RARB: variants seen among roughly 807,000 people sequenced by gnomAD.
RARB encodes retinoic acid receptor beta.
A neutral mutation model predicts 51.9 loss-of-function variants in RARB; 17 were observed. The ratio of observed to expected loss-of-function variants is 0.33; its 90% confidence interval spans 0.22 to 0.49. The LOEUF is 0.49. Among genes scored for constraint, RARB ranks in the 20% least tolerant of loss-of-function variants. The pLI, the probability that RARB is intolerant of heterozygous loss-of-function variation, is 0.99. For missense variants in RARB, 369 were observed against 550.8 expected (o/e 0.67, Z 3.30); for synonymous variants, 215 against 195.4 (o/e 1.10, Z -0.84).
At chr3:25,060,800 G>C (rs1455614553) in intron 3 of RARB, among the ~76,000 whole-genome samples, 1 of 151,856 alleles carries the variant, frequency 6.6e-6, no homozygotes, top group Non-Finnish European at 1.5e-5. Context: ...TTCATGAGTA[G>C]AGTGTGAGTA....
At chr3:25,260,179 T>C (rs545939262) in intron 5 of RARB, among the ~76,000 whole-genome samples, 4 of 152,290 alleles carry the variant, frequency 2.6e-5, no homozygotes, top group Admixed American at 2.0e-4. Context: ...TAGGGCACCC[T>C]GGTTGTATTC....
chr3:25,380,609 A>C (rs1262017373), intron 5 of RARB, among the ~76,000 whole-genome samples: 5 of 152,210 alleles, frequency 3.3e-5, no homozygotes, highest in Non-Finnish European at 7.3e-5. Flanking sequence ...ATAAACAAGC[A>C]ACCAGGATTT....
intron 3 of RARB, among the ~76,000 whole-genome samples, chr3:25,124,726 G>A (rs1383113322): frequency 1.3e-5 from 2 of 152,186 alleles, no homozygotes; most frequent in South Asian, 2.1e-4. Context: ...TGAGATTGAG[G>A]TATTTGCTTT....
intron 5 of RARB, chr3:25,346,013 G>T (rs926254389): frequency 5.0e-6 from 2 of 397,822 alleles, no homozygotes; most frequent in Non-Finnish European, 6.8e-6. Flanking sequence ...GACCCGGGCT[G>T]CGGTTGACTG....
chr3:25,303,803 T>C (rs750076608), intron 5 of RARB, among the ~76,000 whole-genome samples: 4 of 152,154 alleles, frequency 2.6e-5, no homozygotes, highest in Non-Finnish European at 5.9e-5. Flanking sequence ...GGGCAGAATG[T>C]TTTTATTTTA....
chr3:25,498,060 T>A (rs933192677), intron 2 of RARB, among the ~76,000 whole-genome samples: 1 of 152,204 alleles, frequency 6.6e-6, no homozygotes, highest in Non-Finnish European at 1.5e-5. Context: ...GTGTCCAGTA[T>A]GAGTGAAATG....
At chr3:25,158,022 A>G (rs191596844) in intron 4 of RARB, among the ~76,000 whole-genome samples, 2 of 152,386 alleles carry the variant, frequency 1.3e-5, no homozygotes, top group Admixed American at 1.3e-4. Context: ...ATGCACGTGT[A>G]TAAATAGCAA....
At chr3:25,222,009 C>A (rs538511393) in intron 5 of RARB, among the ~76,000 whole-genome samples, 2 of 152,174 alleles carry the variant, frequency 1.3e-5, no homozygotes, top group African/African-American at 2.4e-5. Context: ...CTTCTGAAGA[C>A]GGAGCCCTCC....
At chr3:24,876,140 T>C (rs1007641716) in intron 2 of RARB, among the ~76,000 whole-genome samples, 1 of 152,178 alleles carries the variant, frequency 6.6e-6, no homozygotes, top group African/African-American at 2.4e-5. Context: ...TACTGATAAC[T>C]TTCATCACTT....
intron 5 of RARB, among the ~76,000 whole-genome samples, chr3:25,358,321 C>T (rs1224049541): frequency 2.6e-5 from 4 of 152,158 alleles, no homozygotes; most frequent in Admixed American, 2.6e-4. Flanking sequence ...GATTTTTGCA[C>T]ATTGAATTTG....
At chr3:25,327,355 A>T (rs563332412) in intron 5 of RARB, among the ~76,000 whole-genome samples, 7 of 152,294 alleles carry the variant, frequency 4.6e-5, no homozygotes, top group African/African-American at 1.2e-4. Context: ...CTACTACAAT[A>T]TTTCAAAATA....
chr3:25,228,342 A>G (rs1702104311), intron 5 of RARB, among the ~76,000 whole-genome samples: 1 of 137,630 alleles, frequency 7.3e-6, no homozygotes, highest in Non-Finnish European at 1.6e-5. Flanking sequence ...CATTTATGTT[A>G]TTTTCTCATG....
intron 2 of RARB, among the ~76,000 whole-genome samples, chr3:24,882,886 A>G (rs1224561411): frequency 6.6e-6 from 1 of 152,180 alleles, no homozygotes; most frequent in Non-Finnish European, 1.5e-5. Flanking sequence ...ACTCTGACCA[A>G]TTACACCTAG....
intron 5 of RARB, among the ~76,000 whole-genome samples, chr3:25,251,276 G>T (rs959899004): frequency 6.6e-6 from 1 of 151,740 alleles, no homozygotes; most frequent in East Asian, 1.9e-4. Context: ...TTTACAAGAT[G>T]GGCATTTGGA....
At chr3:24,862,571 A>C (rs1359000893) in intron 2 of RARB, among the ~76,000 whole-genome samples, 1 of 152,192 alleles carries the variant, frequency 6.6e-6, no homozygotes, top group African/African-American at 2.4e-5. Context: ...TGGGATGTGA[A>C]TCTTCCTCTG....
intron 5 of RARB, among the ~76,000 whole-genome samples, chr3:25,406,303 C>T (rs189173000): frequency 8.3e-4 from 126 of 152,298 alleles, no homozygotes; most frequent in African/African-American, 2.8e-3. Flanking sequence ...CAAAGAAGCA[C>T]GCAACCTCCA....
At chr3:25,214,160 T>G (rs775207363) in intron 5 of RARB, among the ~76,000 whole-genome samples, 1 of 152,174 alleles carries the variant, frequency 6.6e-6, no homozygotes, top group Non-Finnish European at 1.5e-5. Flanking sequence ...TTTGAAAGTT[T>G]GAAACTCAGG....
intron 2 of RARB, among the ~76,000 whole-genome samples, chr3:25,053,956 C>G (rs1698388614): frequency 1.3e-5 from 2 of 152,140 alleles, no homozygotes; most frequent in Admixed American, 1.3e-4. Flanking sequence ...TAATCCCATT[C>G]ATCCTACAGA....
chr3:25,025,092 G>A (rs1467241180), intron 2 of RARB: 1 of 152,100 alleles, frequency 6.6e-6, no homozygotes, highest in African/African-American at 2.4e-5. Flanking sequence ...TTGGATGGGA[G>A]AAAAATTGGT....
Sources: gnomAD v4.1 joint callset for allele counts (sites outside exome capture counted in the v4.1 genomes callset) on GRCh38, gnomAD v4.1.1 for gene constraint, MANE v1.5 for transcripts, NCBI Gene and HGNC (gene_info 2026-07-23, HGNC 2026-07-21) for gene names.